Variants in NUP155 observed in about 807,000 individuals in gnomAD.
NUP155 encodes the protein nuclear pore complex protein Nup155.
Under a neutral mutation model 180.4 loss-of-function variants are expected in NUP155, and 71 were observed. That is an observed-to-expected ratio of 0.39 (90% CI 0.33 to 0.48). The LOEUF (loss-of-function observed/expected upper bound fraction) is 0.48, where lower values mean the gene tolerates loss of function less well. Ranked by LOEUF, NUP155 falls within the 20% of genes least tolerant of loss-of-function variation. The probability of loss-of-function intolerance (pLI) is 0.91; values close to 1 mark genes in which losing one functional copy is unlikely to be tolerated. For missense variants in NUP155, 1,553 were observed against 1,648.9 expected, an observed-to-expected ratio of 0.94 and a Z score of 1.01; for synonymous variants, 582 against 559.5, an observed-to-expected ratio of 1.04 and a Z score of -0.57.
chr5:37,309,003 G>A (rs1350640662), intron 24 of NUP155, 126 bp downstream of exon 24: 2 of 891,432 alleles, frequency 2.2e-6, no homozygotes, highest in Non-Finnish European at 1.8e-6. Context: ...CCTTTCACTC[G>A]GCCTCTGATG....
At chr5:37,333,847 GC>G (rs1282887780) in intron 12 of NUP155, among the ~76,000 whole-genome samples, 4 of 151,632 alleles carry the variant, frequency 2.6e-5, no homozygotes, top group Non-Finnish European at 4.4e-5. Flanking sequence ...AGTTGTCTAG[GC>G]TGGAGTGTAG....
intron 22 of NUP155, among the ~76,000 whole-genome samples, chr5:37,313,469 GTATA>G (rs1202307771): frequency 9.5e-6 from 1 of 104,960 alleles, no homozygotes; most frequent in East Asian, 2.5e-4. Context: ...TAGGAGTGGT[GTATA>G]TGTGTGTGTG....
At chr5:37,296,217 A>G (rs1193486598) in intron 32 of NUP155, among the ~76,000 whole-genome samples, 66 of 152,106 alleles carry the variant, frequency 4.3e-4, no homozygotes, top group African/African-American at 1.3e-3. Flanking sequence ...TGACAATGGC[A>G]GTTTTGTGGA....
At position 37,310,696 on chromosome 5, in the gene NUP155, G is replaced by C. The variant is rs1377057258; in HGVS notation, c.2484C>G (p.Ile828Met). The change falls in exon 23 of 35, where the codon ATC (isoleucine) becomes ATG (methionine). Residue 828 changes from isoleucine (I) to methionine (M), a missense_variant. Coordinates refer to ENST00000231498, the MANE Select transcript of NUP155 (RefSeq NM_153485.3). ...ATGCCCCTGTGAGTTCTTTGTCCCT[G>C]ATTACAAGATCTTTAAAGGTGGTGA... Reference protein sequence around the residue: ...LKITTFKDLVIRDKELTGALI... With the variant: ...LKITTFKDLVMRDKELTGALI... 1 of 1,613,668 alleles carries C rather than the reference G, an allele frequency of 6.2e-7. No individual in the cohort carries two copies. The highest frequency in any genetic ancestry group is 1.3e-5 in the African/African-American group (1 of 74,910).
At chr5:37,335,705 A>G (rs1164996219) in intron 12 of NUP155, among the ~76,000 whole-genome samples, 2 of 152,138 alleles carry the variant, frequency 1.3e-5, no homozygotes, top group African/African-American at 4.8e-5. Flanking sequence ...ATCCCAACAC[A>G]TTGGGAGACC....
chr5:37,324,019 A>G lies in NUP155; in HGVS notation c.2180T>C (p.Phe727Ser). The G allele has an allele frequency of 6.2e-7, 1 of 1,612,342 alleles. No homozygotes were observed. Among genetic ancestry groups the G allele is most frequent in the Non-Finnish European group, 8.5e-7 (1 of 1,178,396 alleles). Residue 727 changes from phenylalanine to serine, a missense_variant, in exon 20 of 35, where the codon TTT (phenylalanine) becomes TCT (serine). By Grantham distance (155) the Phe-to-Ser change is radical (BLOSUM62 -2). Transcript: ENST00000231498. ...TGGATTTCCTAATGGTCCTCCTGCA[A>G]ACTGGGAGTTTCTGTCTAGAAATTC... The part of the protein sequence containing the change: ...LQEFLDRNSQ[F>S]AGGPLGNPNT...
chr5:37,290,536 C>T lies in NUP155; in HGVS notation c.*1364G>A, dbSNP rs982467491. 3 of 151,384 alleles carry T rather than the reference C, an allele frequency of 2.0e-5. No homozygotes were observed. Among genetic ancestry groups the T allele is most frequent in the Non-Finnish European group, 4.4e-5 (3 of 67,920 alleles). The allele number at this position is 151,384 out of a possible 1,614,324, so 9.4% of individuals were successfully genotyped here. A position where few individuals can be genotyped will look rare whatever the true frequency, so the allele number is the denominator to read the frequency against. ...GTTTTGTTAGCTCTGGTCATTCCCACTCTTCTTCTCTCTTGTTGCTATTAC... is the reference window on the plus strand; with the variant it reads ...GTTTTGTTAGCTCTGGTCATTCCCATTCTTCTTCTCTCTTGTTGCTATTAC... On this transcript the variant is annotated 3_prime_UTR_variant, in exon 35 of 35. Transcript: ENST00000231498.
chr5:37,295,175 T>A (rs919064595), intron 32 of NUP155, among the ~76,000 whole-genome samples: 2 of 152,084 alleles, frequency 1.3e-5, no homozygotes, highest in African/African-American at 2.4e-5. Context: ...GCCTGCCGAG[T>A]GCCTGCGATT....
intron 32 of NUP155, among the ~76,000 whole-genome samples, chr5:37,295,975 G>A (rs1386363968): frequency 6.8e-5 from 10 of 147,598 alleles, no homozygotes; most frequent in East Asian, 2.0e-4. Flanking sequence ...CCCTCTGCCC[G>A]GCCAGCCGCC....
rs1472981395 is a variant in NUP155, at chr5:37,304,917, A to G, written c.3058-74T>C. The G allele has an allele frequency of 1.3e-5, 19 of 1,499,622 alleles. 1 individual carries two copies. In the Admixed American group the frequency reaches 3.2e-4, roughly 25 times the overall value. The allele number at this position is 1,499,622 out of a possible 1,614,324, so 92.9% of individuals were successfully genotyped here. On this transcript the variant is annotated intron_variant, in intron 26 of 34. Transcript: ENST00000231498. ...GGGCATCACAACCCTTTAGCCCTAT[A>G]AACTCCAGTAAGAAATCAAGAATCC...
At chr5:37,347,544 A>G (rs539329041) in intron 9 of NUP155, among the ~76,000 whole-genome samples, 7 of 151,940 alleles carry the variant, frequency 4.6e-5, no homozygotes, top group Admixed American at 2.6e-4. Context: ...TAAAAATACA[A>G]AATTAGCTGG....
chr5:37,309,362 A>G, intron 23 of NUP155, 95 bp from the exon 24 acceptor site: 1 of 940,466 alleles, frequency 1.1e-6, no homozygotes, highest in Non-Finnish European at 1.6e-6. Flanking sequence ...AAATTTATAT[A>G]TGGTTATTAC....
At chr5:37,324,882 G>A (rs1053507911) in intron 19 of NUP155, among the ~76,000 whole-genome samples, 4 of 152,144 alleles carry the variant, frequency 2.6e-5, no homozygotes, top group Non-Finnish European at 5.9e-5. Flanking sequence ...TGGACTGGGC[G>A]TGGTGGCTCA....
chr5:37,317,263 C>T (rs1043878839), intron 21 of NUP155, among the ~76,000 whole-genome samples: 4 of 152,050 alleles, frequency 2.6e-5, no homozygotes, highest in South Asian at 4.1e-4. Context: ...CCGAGGCGGA[C>T]GGGATCACCT....
chr5:37,296,033 G>A (rs1364725034), intron 32 of NUP155, among the ~76,000 whole-genome samples: 15 of 135,210 alleles, frequency 1.1e-4, no homozygotes, highest in South Asian at 7.6e-4. Flanking sequence ...CCGGCCAGCC[G>A]CCCTGTCCGG....
intron 2 of NUP155, 124 bp from the exon 3 acceptor site, chr5:37,364,108 G>GAACCCATATACTT: frequency 9.4e-7 from 1 of 1,067,432 alleles, no homozygotes; most frequent in Non-Finnish European, 1.4e-6. Context: ...ATACAACATG[G>GAACCCATATACTT]AACCCATATA....
chr5:37,320,976 C>T (rs1208338478), intron 20 of NUP155, among the ~76,000 whole-genome samples: 1 of 152,094 alleles, frequency 6.6e-6, no homozygotes, highest in Non-Finnish European at 1.5e-5. Flanking sequence ...GAGGCCTGAT[C>T]AATCCAATAC....
Position 37,295,721 on chromosome 5 carries a change from C to T in NUP155, c.3794-1256G>A, listed in dbSNP as rs1274703047. Among the ~76,000 whole-genome samples, 40 of 151,646 alleles carry T rather than the reference C, an allele frequency of 2.6e-4. 1 individual carries two copies. The highest frequency in any genetic ancestry group is 2.2e-3 in the Admixed American group (33 of 15,258). On this transcript the variant is annotated intron_variant, in intron 32 of 34. Transcript: ENST00000231498. ...GTCGCCCCGTCCGGGATGTGAGGAGCGTCTCTGCCCGGCCACCCCGTCTGA... is the reference window on the plus strand; with the variant it reads ...GTCGCCCCGTCCGGGATGTGAGGAGTGTCTCTGCCCGGCCACCCCGTCTGA...
At chr5:37,313,504 T>A (rs559785959) in intron 22 of NUP155, among the ~76,000 whole-genome samples, 3,635 of 129,112 alleles carry the variant, frequency 0.028, 134 homozygotes, top group African/African-American at 0.09. Flanking sequence ...TGTGTGTGTG[T>A]GAGAGAGACA....
Sources: gnomAD v4.1 joint callset for allele counts (sites outside exome capture counted in the v4.1 genomes callset) on GRCh38, gnomAD v4.1.1 for gene constraint, MANE v1.5 for transcripts, NCBI Gene and HGNC (gene_info 2026-07-23, HGNC 2026-07-21) for gene names.